The following NXPH2 variants were observed in gnomAD, a reference collection of about 807,000 sequenced individuals.
NXPH2 encodes the protein neurexophilin-2.
In NXPH2, 5 loss-of-function variants were observed where a neutral mutation model predicts 19.8. The ratio of observed to expected loss-of-function variants is 0.25; its 90% CI spans 0.13 to 0.53. The LOEUF is 0.53. NXPH2 is among the 20% of genes least tolerant of loss of function. The pLI, the probability that NXPH2 is intolerant of heterozygous loss-of-function variation, is 0.96. For synonymous variants in NXPH2, 154 were observed against 127.4 expected, an observed-to-expected ratio of 1.21 and a Z score of -1.41; for missense variants, 289 against 322.8, an observed-to-expected ratio of 0.90 and a Z score of 0.80.
intron 1 of NXPH2, among the ~76,000 whole-genome samples, chr2:138,750,868 G>A (rs1332480947): frequency 6.6e-6 from 1 of 152,074 alleles, no homozygotes; most frequent in Non-Finnish European, 1.5e-5. Context: ...CAGTGTTGGA[G>A]GTGGGACCTG....
chr2:138,745,829 A>G (rs1487111350), intron 1 of NXPH2, among the ~76,000 whole-genome samples: 2 of 151,702 alleles, frequency 1.3e-5, no homozygotes, highest in Non-Finnish European at 2.9e-5. Flanking sequence ...GGGTGGGGGG[A>G]AGAAGCAGGA....
chr2:138,726,701 A>G (rs924736827), intron 1 of NXPH2, among the ~76,000 whole-genome samples: 100 of 152,228 alleles, frequency 6.6e-4, no homozygotes, highest in African/African-American at 2.3e-3. Flanking sequence ...TCTCCCACAC[A>G]TGCACATCCT....
intron 1 of NXPH2, among the ~76,000 whole-genome samples, chr2:138,676,978 A>G (rs577662332): frequency 6.6e-6 from 1 of 152,294 alleles, no homozygotes; most frequent in African/African-American, 2.4e-5. Flanking sequence ...CTTTGATTCC[A>G]ATCTACTACA....
At chr2:138,710,486 AC>A (rs1223039966) in intron 1 of NXPH2, among the ~76,000 whole-genome samples, 21 of 152,202 alleles carry the variant, frequency 1.4e-4, no homozygotes, top group African/African-American at 5.1e-4. Flanking sequence ...AAACCGCCAA[AC>A]TTTTTTTCAG....
At chr2:138,717,527 G>A (rs1030497362) in intron 1 of NXPH2, among the ~76,000 whole-genome samples, 1 of 151,612 alleles carries the variant, frequency 6.6e-6, no homozygotes, top group Non-Finnish European at 1.5e-5. Context: ...AAAGGGAAAA[G>A]CACCTCTCTT....
chr2:138,693,397 T>A (rs1173613562), intron 1 of NXPH2, among the ~76,000 whole-genome samples: 2 of 152,162 alleles, frequency 1.3e-5, no homozygotes, highest in African/African-American at 4.8e-5. Context: ...CCACATGTTC[T>A]GCCATGTGAG....
chr2:138,709,207 C>T lies in NXPH2; in HGVS notation c.52-37542G>A, dbSNP rs551905847. 1.0e-3 allele frequency among the ~76,000 whole-genome samples: 156 copies of T among 152,216 alleles called. 1 individual carries two copies. The highest frequency in any genetic ancestry group is 3.7e-3 in the African/African-American group (153 of 41,546). ...AGACGGTACAACAGCCCCTTCTATC[C>T]TCTCAGGGAAACAGGGGCAGCTGCC... On this transcript the variant is annotated intron_variant, in intron 1 of 1. Transcript: ENST00000272641.
In NXPH2 at chr2:138,711,145, C is replaced by CTTTTTTTT. The variant is rs397766605; in HGVS notation, c.52-39488_52-39481dup. Among the ~76,000 whole-genome samples the CTTTTTTTT allele has an allele frequency of 2.2e-5, 2 of 91,066 alleles. 1 individual carries two copies. The highest frequency in any genetic ancestry group is 3.1e-4 in the Admixed American group (2 of 6,366). The allele number at this position is 91,066 out of a possible 152,430, so 59.7% of individuals were successfully genotyped here. A position where few individuals can be genotyped will look rare whatever the true frequency, so the allele number is the denominator to read the frequency against. On this transcript the variant is annotated intron_variant, in intron 1 of 1. Coordinates refer to ENST00000272641, the MANE Select transcript of NXPH2 (RefSeq NM_007226.3). The stretch of plus-strand genomic sequence containing the variant: ...TGGAATTTCCTTCCCATTTCTATCA[C>CTTTTTTTT]TTTTTTTTTTTTTGAGATTGAGTCT...
intron 1 of NXPH2, among the ~76,000 whole-genome samples, chr2:138,674,613 C>T (rs1680459309): frequency 6.6e-6 from 1 of 152,156 alleles, no homozygotes; most frequent in Non-Finnish European, 1.5e-5. Flanking sequence ...ATGATGTGTG[C>T]AAACTTCATT....
intron 1 of NXPH2, among the ~76,000 whole-genome samples, chr2:138,711,812 C>T (rs1287360372): frequency 3.3e-5 from 5 of 152,128 alleles, no homozygotes; most frequent in South Asian, 4.1e-4. Flanking sequence ...TTACACCGTT[C>T]TTTGCTTAAT....
rs193299024 is a variant in NXPH2, at chr2:138,726,121, C to G, written c.51+54070G>C. 1.3e-3 allele frequency among the ~76,000 whole-genome samples: 198 copies of G among 152,290 alleles called. 3 individuals carry two copies. The highest frequency in any genetic ancestry group is 4.5e-3 in the African/African-American group (189 of 41,550). Reference sequence around the variant, plus strand: ...GCAGTGGCATAGTCTTAGCTCACTGCAACCTCCACCTCCTAGGTTCAAGCA... The same window carrying G: ...GCAGTGGCATAGTCTTAGCTCACTGGAACCTCCACCTCCTAGGTTCAAGCA... On this transcript the variant is annotated intron_variant, in intron 1 of 1. Coordinates refer to ENST00000272641, the MANE Select transcript of NXPH2 (RefSeq NM_007226.3).
intron 1 of NXPH2, among the ~76,000 whole-genome samples, chr2:138,763,863 A>T (rs943111728): frequency 1.2e-4 from 19 of 152,194 alleles, no homozygotes; most frequent in Admixed American, 1.2e-3. Flanking sequence ...GTAGTTTTCC[A>T]GGGGCTCTGA....
intron 1 of NXPH2, among the ~76,000 whole-genome samples, chr2:138,692,882 T>C (rs774442002): frequency 1.3e-5 from 2 of 152,216 alleles, no homozygotes; most frequent in Non-Finnish European, 2.9e-5. Flanking sequence ...TCTCGAAATC[T>C]AAGCTCAGTC....
chr2:138,683,813 C>T (rs1427783754), intron 1 of NXPH2, among the ~76,000 whole-genome samples: 4 of 152,156 alleles, frequency 2.6e-5, no homozygotes, highest in Admixed American at 6.5e-5. Context: ...CCAAACATGA[C>T]ATTTGTTAAT....
At chr2:138,698,298 C>T (rs561651964) in intron 1 of NXPH2, among the ~76,000 whole-genome samples, 16 of 151,928 alleles carry the variant, frequency 1.1e-4, no homozygotes, top group African/African-American at 2.2e-4. Context: ...AAAATAGTTA[C>T]GAAATTGTAT....
intron 1 of NXPH2, among the ~76,000 whole-genome samples, chr2:138,694,241 T>G (rs1404760747): frequency 1.3e-5 from 2 of 152,226 alleles, no homozygotes; most frequent in African/African-American, 4.8e-5. Flanking sequence ...ACTGAGGAAC[T>G]GTTGTTTACA....
intron 1 of NXPH2, among the ~76,000 whole-genome samples, chr2:138,769,404 T>C (rs1267274707): frequency 1.3e-5 from 2 of 152,030 alleles, no homozygotes; most frequent in African/African-American, 4.8e-5. Flanking sequence ...TGCACTTGCC[T>C]CCCTCCAAAA....
chr2:138,706,323 A>G (rs1194606276), intron 1 of NXPH2, among the ~76,000 whole-genome samples: 1 of 152,226 alleles, frequency 6.6e-6, no homozygotes, highest in Non-Finnish European at 1.5e-5. Context: ...GAGCTGCTGT[A>G]GTCTATATTA....
intron 1 of NXPH2, among the ~76,000 whole-genome samples, chr2:138,706,848 A>G (rs1411854509): frequency 1.3e-5 from 2 of 151,900 alleles, no homozygotes; most frequent in African/African-American, 2.4e-5. Flanking sequence ...GGCTATAGTG[A>G]GCTATGATTG....
Sources: gnomAD v4.1 joint callset for allele counts (sites outside exome capture counted in the v4.1 genomes callset) on GRCh38, gnomAD v4.1.1 for gene constraint, MANE v1.5 for transcripts, NCBI Gene and HGNC (gene_info 2026-07-23, HGNC 2026-07-21) for gene names.